Variants in PKD1 observed in about 807,000 individuals in gnomAD.
PKD1 encodes the protein polycystin 1, transient receptor potential channel interacting.
PKD1 carries 81 observed loss-of-function variants against 361.7 expected under a neutral mutation model. That is an observed-to-expected ratio of 0.22 (90% confidence interval 0.19 to 0.27). The LOEUF is 0.27. Ranked by LOEUF, PKD1 falls within the 10% of genes least tolerant of loss-of-function variation. The pLI is 1.00. For synonymous variants in PKD1, 3,615 were observed against 2,818.3 expected, an observed-to-expected ratio of 1.28 and a Z score of -8.95; for missense variants, 6,399 against 6,118.3, an observed-to-expected ratio of 1.05 and a Z score of -1.53.
intron 1 of PKD1, among the ~76,000 whole-genome samples, chr16:2,127,794 G>A (rs981354285): frequency 5.3e-5 from 8 of 151,038 alleles, no homozygotes; most frequent in South Asian, 2.1e-4. Flanking sequence ...GCGCTGGGAC[G>A]TGAACCCAGG....
At chr16:2,108,220 G>A (rs767748019) in intron 15 of PKD1, 32 bp downstream of exon 15, 20 of 1,574,826 alleles carry the variant, frequency 1.3e-5, no homozygotes, top group Non-Finnish European at 1.6e-5. Context: ...GACGGGTGAG[G>A]GGCATGGAGG....
intron 1 of PKD1, among the ~76,000 whole-genome samples, chr16:2,122,209 G>A (rs190783457): frequency 1.0e-3 from 152 of 152,384 alleles, no homozygotes; most frequent in African/African-American, 3.4e-3. Context: ...CCTGGGCTGG[G>A]TGCCCAGACA....
Position 2,106,889 on chromosome 16 carries a change from T to C in PKD1, c.7125A>G (p.Ala2375=), listed in dbSNP as rs1281707845. The change falls in exon 17 of 46, where the codon GCA becomes GCG. Residue 2375 remains alanine, a synonymous_variant. Coordinates refer to ENST00000262304, the MANE Select transcript of PKD1 (RefSeq NM_001009944.3). This position sits in a 1 kb window ranked among gnomAD's most constrained non-coding sequence, Gnocchi z 6.5. ...TGCGGCTCACTTCGTACACGGCCTG[T>C]GCCTTGCAGGACACACACTCCAAGG... ...IVSLECVSCK[A]QAVYEVSRSS... is the part of the protein sequence containing the mutation. The C allele has an allele frequency of 1.3e-6, 2 of 1,558,322 alleles. No individual in the cohort carries two copies. The highest frequency in any genetic ancestry group is 1.1e-5 in the South Asian group (1 of 90,468).
chr16:2,125,493 G>C (rs539983562), intron 1 of PKD1, among the ~76,000 whole-genome samples: 1 of 151,340 alleles, frequency 6.6e-6, no homozygotes, highest in East Asian at 1.9e-4. Flanking sequence ...ATGAGATGCC[G>C]GGGGTGACAT....
chr16:2,112,205 G>A (rs1428463827), intron 14 of PKD1, 135 bp downstream of exon 14: 7 of 814,922 alleles, frequency 8.6e-6, no homozygotes, highest in East Asian at 5.3e-5. Context: ...CCCAGTAGGG[G>A]CCTAAGCCAT....
chr16:2,106,356 T>G lies in PKD1; in HGVS notation c.7489+42A>C, dbSNP rs2092336305. The G allele has an allele frequency of 6.2e-7, 1 of 1,601,676 alleles. No individual in the cohort carries two copies. The highest frequency in any genetic ancestry group is 1.7e-5 in the Admixed American group (1 of 58,794). Reference sequence around the variant, plus strand: ...GGGAGGGCTCCGTGACGTCACAGAGTCGGGGGATCCCGCTGCTCCCCCCAC... The same window carrying G: ...GGGAGGGCTCCGTGACGTCACAGAGGCGGGGGATCCCGCTGCTCCCCCCAC... On this transcript the variant is annotated intron_variant, in intron 18 of 45. Coordinates refer to ENST00000262304, the MANE Select transcript of PKD1 (RefSeq NM_001009944.3). The surrounding 1 kb of genome is among the most constrained non-coding windows in gnomAD (Gnocchi z 6.5).
chr16:2,089,896 C>T lies in PKD1; in HGVS notation c.12743G>A (p.Gly4248Asp), dbSNP rs2091390030. The change falls in exon 46 of 46, where the codon GGC becomes GAC. Residue 4248 changes from glycine (G) to aspartate (D), a missense_variant. By Grantham distance (94) the Gly-to-Asp change is moderately conservative. Transcript: ENST00000262304. The part of the protein sequence containing the change: ...QLEQQLHSLQ[G>D]RRSSRAPAGS... ...GGCGGGCGCCCGGCTGCTCCTGCGG[C>T]CTTGCAGGCTGTGCAGCTGCTGCTC... The T allele has an allele frequency of 6.2e-7, 1 of 1,611,324 alleles. No homozygotes were observed. Among genetic ancestry groups the T allele is most frequent in the Admixed American group, 1.7e-5 (1 of 59,888 alleles).
rs1426262465 is a variant in PKD1, at chr16:2,110,141, G to A, written c.5026C>T (p.Leu1676=). The A allele has an allele frequency of 1.2e-6, 2 of 1,609,842 alleles. No individual in the cohort carries two copies. The highest frequency in any genetic ancestry group is 1.3e-5 in the African/African-American group (1 of 74,988). Residue 1676 remains leucine, a synonymous_variant, in exon 15 of 46, where the codon CTG becomes TTG. Coordinates refer to ENST00000262304, the MANE Select transcript of PKD1 (RefSeq NM_001009944.3). ...WTAWRDRGPA[L]AGSGKGFSLT... Reference sequence around the variant, plus strand: ...GAGAAGCCTTTGCCGCTGCCGGCCAGGGCCGGGCCCCTGTCCCTCCAGGCA... The same window carrying A: ...GAGAAGCCTTTGCCGCTGCCGGCCAAGGCCGGGCCCCTGTCCCTCCAGGCA...
Position 2,093,973 on chromosome 16 carries a change from C to A in PKD1, c.10659G>T (p.Trp3553Cys), listed in dbSNP as rs780417019. The A allele has an allele frequency of 1.3e-6, 2 of 1,587,614 alleles. No individual in the cohort carries two copies. The highest frequency in any genetic ancestry group is 2.3e-5 in the East Asian group (1 of 43,998). Reference protein sequence around the residue: ...EGLRKRLLPAWCASLAHGLSL... With the variant: ...EGLRKRLLPACCASLAHGLSL... ...TGAGCCCGTGGGCCAGGGAGGCACACCAGGCCGGCAGCAGGCGCTTCCGCA... is the reference window on the plus strand; with the variant it reads ...TGAGCCCGTGGGCCAGGGAGGCACAACAGGCCGGCAGCAGGCGCTTCCGCA... The change falls in exon 36 of 46, where the codon TGG (tryptophan) becomes TGT (cysteine). Residue 3553 changes from tryptophan to cysteine, a missense_variant. By Grantham distance (215) the Trp-to-Cys change is radical (BLOSUM62 -2). Transcript: ENST00000262304.
intron 1 of PKD1, chr16:2,120,019 C>A: frequency 1.7e-6 from 1 of 595,082 alleles, no homozygotes; most frequent in Non-Finnish European, 3.0e-6. Flanking sequence ...TGAAACCACC[C>A]TGGGCAACAC....
rs767192733 is a variant in PKD1, at chr16:2,097,253, G to A, written c.10406-12C>T. The A allele has an allele frequency of 1.3e-6, 2 of 1,596,570 alleles. No individual in the cohort carries two copies. Among genetic ancestry groups the A allele is most frequent in the Non-Finnish European group, 1.7e-6 (2 of 1,171,754 alleles). ...GATCAGGTCTTCATCTAGAGGTACA[G>A]GAGGCATAGGGTGGGCCCAGCTGCA... On this transcript the variant is annotated splice_polypyrimidine_tract_variant and intron_variant, in intron 33 of 45. Coordinates refer to ENST00000262304, the MANE Select transcript of PKD1 (RefSeq NM_001009944.3).
rs2855349 is a variant in PKD1, at chr16:2,112,978, G to A, written c.2986-15C>T. ...GAGGCCGTCAGCTGCAGGGACAGGC[G>A]TCAGTGAGCCCAGGTGGCAGGTGAG... On this transcript the variant is annotated splice_polypyrimidine_tract_variant and intron_variant, in intron 12 of 45. Transcript: ENST00000262304. The A allele has an allele frequency of 0.03, 47,145 of 1,595,606 alleles. 2,754 individuals carry two copies. The highest frequency in any genetic ancestry group is 0.2 in the East Asian group (9,061 of 44,860).
Position 2,112,487 on chromosome 16 carries a change from G to T in PKD1, c.3162-14C>A. ...CCAAAGGTCCACCTGCCGGGGCGGT[G>T]GGACGCAGTGAGTGAACCGGGACAG... On this transcript the variant is annotated splice_polypyrimidine_tract_variant and intron_variant, in intron 13 of 45. Coordinates refer to ENST00000262304, the MANE Select transcript of PKD1 (RefSeq NM_001009944.3). 1.3e-6 allele frequency: 2 copies of T among 1,585,614 alleles called. No individual in the cohort carries two copies. Among genetic ancestry groups the T allele is most frequent in the Non-Finnish European group, 8.5e-7 (1 of 1,174,546 alleles).
Position 2,115,606 on chromosome 16 carries a change from G to A in PKD1, c.1869C>T (p.Ser623=), listed in dbSNP as rs539192952. ...LSTAGTPENG[S]EPESRSPDNR... Reference sequence around the variant, plus strand: ...TGTCCGGGGACCTGCTCTCAGGCTCGCTGCCGTTCTCCGGGGTCCCTGTGA... The same window carrying A: ...TGTCCGGGGACCTGCTCTCAGGCTCACTGCCGTTCTCCGGGGTCCCTGTGA... Residue 623 remains serine, a synonymous_variant, in exon 10 of 46, where the codon AGC becomes AGT. Transcript: ENST00000262304. 9.2e-5 allele frequency: 147 copies of A among 1,599,746 alleles called. No individual in the cohort carries two copies. The South Asian group carries it at 1.3e-3, about 14-fold the overall frequency.
chr16:2,102,139 G>A lies in PKD1; in HGVS notation c.9319C>T (p.Arg3107Cys), dbSNP rs3874654. Residue 3107 changes from arginine to cysteine, a missense_variant, in exon 26 of 46, where the codon CGC (arginine) becomes TGC (cysteine). By Grantham distance (180) the Arg-to-Cys change is radical. Coordinates refer to ENST00000262304, the MANE Select transcript of PKD1 (RefSeq NM_001009944.3). ...CGCTGCCCACAGAAAGGGATGGCGC[G>A]GCCCCGGCTGGCATCCAACTGGTCC... is the stretch of plus-strand genomic sequence containing the variant. ...KLDQLDASRGRAIPFCGQRGR... is the reference protein window; with the variant it reads ...KLDQLDASRGCAIPFCGQRGR... 5.4e-5 allele frequency: 84 copies of A among 1,568,304 alleles called. 2 individuals carry two copies. The South Asian group carries it at 6.1e-4, about 11-fold the overall frequency.
rs749609098 is a variant in PKD1 at position 2,110,885 on chromosome 16, C to G, written c.4282G>C (p.Gly1428Arg). The stretch of plus-strand genomic sequence containing the variant: ...CGGTAGATGAACGTCACCTCAGGGC[C>G]CCTGGCACGGGTGGGGGCGGCTTCC... Reference protein sequence around the residue: ...TEEAAPTRARGPEVTFIYRDP... With the variant: ...TEEAAPTRARRPEVTFIYRDP... Residue 1428 changes from glycine to arginine, a missense_variant, in exon 15 of 46, where the codon GGC becomes CGC. By Grantham distance (125) the Gly-to-Arg change is moderately radical (BLOSUM62 -2). Transcript: ENST00000262304. The G allele has an allele frequency of 6.2e-7, 1 of 1,611,708 alleles. No homozygotes were observed. Among genetic ancestry groups the G allele is most frequent in the Non-Finnish European group, 8.5e-7 (1 of 1,179,844 alleles).
In PKD1 at chr16:2,092,144, C is replaced by G; in HGVS notation, c.11314G>C (p.Ala3772Pro). The G allele has an allele frequency of 6.2e-7, 1 of 1,612,592 alleles. No homozygotes were observed. Among genetic ancestry groups the G allele is most frequent in the Non-Finnish European group, 8.5e-7 (1 of 1,179,902 alleles). The change falls in exon 40 of 46, where the codon GCC (alanine) becomes CCC (proline). Residue 3772 changes from alanine to proline, a missense_variant. Physicochemically the swap from Ala to Pro is conservative, Grantham distance 27 (BLOSUM62 -1). Transcript: ENST00000262304. ...TCGCTGGTGCTGAAGCCTCCTGCGG[C>G]CGAGCACGTGTGGACCCTGGGGCCG... ...PPGPRVHTCSAAGGFSTSDYD... is the reference protein window; with the variant it reads ...PPGPRVHTCSPAGGFSTSDYD...
chr16:2,101,714 C>T (rs1208498373), intron 26 of PKD1, among the ~76,000 whole-genome samples: 4 of 152,272 alleles, frequency 2.6e-5, no homozygotes, highest in Non-Finnish European at 5.9e-5. Flanking sequence ...GGGGAGGGTG[C>T]TGGCGCCTCC....
chr16:2,109,795 T>A lies in PKD1; in HGVS notation c.5372A>T (p.Asn1791Ile). 1 of 1,610,184 alleles carries A rather than the reference T, an allele frequency of 6.2e-7. No individual in the cohort carries two copies. Among genetic ancestry groups the A allele is most frequent in the Non-Finnish European group, 8.5e-7 (1 of 1,179,564 alleles). Residue 1791 changes from asparagine to isoleucine, a missense_variant, in exon 15 of 46, where the codon AAC (asparagine) becomes ATC (isoleucine). Asn to Ile is a moderately radical substitution (Grantham distance 149). Coordinates refer to ENST00000262304, the MANE Select transcript of PKD1 (RefSeq NM_001009944.3). ...CTGCACATCCACTTCCACGGTGGCG[T>A]TGGCTGAGCCCAGCGGGTTCCCTGC... ...MTAGNPLGSA[N>I]ATVEVDVQVP...
Sources: allele counts gnomAD v4.1 joint callset (sites outside exome capture counted in the v4.1 genomes callset), GRCh38; gene constraint gnomAD v4.1.1; non-coding constraint Gnocchi (gnomAD v3.1); transcripts MANE v1.5; gene names NCBI Gene and HGNC (gene_info 2026-07-23, HGNC 2026-07-21).